Variants in CUEDC1 observed in about 807,000 individuals in gnomAD.
The protein encoded by CUEDC1 is CUE domain containing 1.
A neutral mutation model predicts 43.7 loss-of-function variants in CUEDC1; 30 were observed. The ratio of observed to expected loss-of-function variants is 0.69; its 90% CI spans 0.51 to 0.93. The LOEUF (loss-of-function observed/expected upper bound fraction) is 0.93, where lower values mean the gene tolerates loss of function less well. Ranked by LOEUF, CUEDC1 falls within the 40% of genes least tolerant of loss-of-function variation. The pLI is 0.00. For synonymous variants in CUEDC1, 223 were observed against 223.6 expected (o/e 1.00, Z 0.02); for missense variants, 486 against 549.0 (o/e 0.89, Z 1.15).
rs898695612 is a variant in CUEDC1 at position 57,901,864 on chromosome 17, G to A, written c.-315-15985C>T. ...CATTTCTCAGTCCCTTGGCTTCTTC[G>A]ATAATCATCATTAAAATATGATGCA... On this transcript the variant is annotated intron_variant, in intron 1 of 10. Transcript: ENST00000577830. Among the ~76,000 whole-genome samples the A allele has an allele frequency of 2.6e-5, 4 of 152,198 alleles. 1 individual carries two copies. In the East Asian group the frequency reaches 5.8e-4, roughly 22 times the overall value.
intron 3 of CUEDC1, 61 bp from the exon 4 acceptor site, chr17:57,873,778 C>A (rs1568030207): frequency 2.1e-6 from 3 of 1,455,466 alleles, no homozygotes; most frequent in Non-Finnish European, 2.7e-6. Context: ...GGTCTCCTGG[C>A]CCCATCACAC....
At chr17:57,879,041 C>T (rs2074167732) in intron 3 of CUEDC1, among the ~76,000 whole-genome samples, 1 of 152,240 alleles carries the variant, frequency 6.6e-6, no homozygotes, top group South Asian at 2.1e-4. Context: ...CAGTCTACCT[C>T]CCTGCCTCCA....
intron 9 of CUEDC1, chr17:57,867,093 C>T (rs987123920): frequency 7.2e-6 from 4 of 555,600 alleles, no homozygotes; most frequent in Non-Finnish European, 1.3e-5. Context: ...AAAGAATATT[C>T]CCCAGAAACA....
At chr17:57,908,030 C>A (rs766077441) in intron 1 of CUEDC1, among the ~76,000 whole-genome samples, 48 of 152,022 alleles carry the variant, frequency 3.2e-4, no homozygotes, top group Non-Finnish European at 5.3e-4. Context: ...ACCTCGTTCA[C>A]ACACGCATGC....
intron 1 of CUEDC1, among the ~76,000 whole-genome samples, chr17:57,899,396 G>A (rs904250109): frequency 5.3e-5 from 8 of 152,294 alleles, no homozygotes; most frequent in South Asian, 2.1e-4. Flanking sequence ...ACATACCCAC[G>A]TGCCCACACG....
At chr17:57,936,294 C>T (rs896902767) in intron 1 of CUEDC1, among the ~76,000 whole-genome samples, 1 of 152,250 alleles carries the variant, frequency 6.6e-6, no homozygotes, top group African/African-American at 2.4e-5. Context: ...CCACATTCCT[C>T]CTTTGGCCCT....
In CUEDC1 at chr17:57,943,261, A is replaced by G. The variant is rs148191769; in HGVS notation, c.-316+11964T>C. On this transcript the variant is annotated intron_variant, in intron 1 of 10. Coordinates refer to ENST00000577830, the MANE Select transcript of CUEDC1 (RefSeq NM_001271875.2). ...CCGCCAAGGCCCTGGGTGCCAGCCTAGTGCCCGCCCTAGGAGACTGACATG... is the reference window on the plus strand; with the variant it reads ...CCGCCAAGGCCCTGGGTGCCAGCCTGGTGCCCGCCCTAGGAGACTGACATG... Among the ~76,000 whole-genome samples, 23 of 152,290 alleles carry G rather than the reference A, an allele frequency of 1.5e-4. No individual in the cohort carries two copies. In the East Asian group the frequency reaches 4.4e-3, roughly 29 times the overall value.
rs528096012 is a variant in CUEDC1, at chr17:57,885,088, C to T, written c.336+141G>A. The T allele has an allele frequency of 2.3e-5, 33 of 1,408,030 alleles. No homozygotes were observed. In the South Asian group the frequency reaches 5.3e-4, roughly 22 times the overall value. The allele number at this position is 1,408,030 out of a possible 1,614,324, so 87.2% of individuals were successfully genotyped here. A position where few individuals can be genotyped will look rare whatever the true frequency, so the allele number is the denominator to read the frequency against. ...TCCCTAGGGGAAGTAAGGCTGCTTGCTAATTAGAACCCAGATAGCGGAGTA... is the reference window on the plus strand; with the variant it reads ...TCCCTAGGGGAAGTAAGGCTGCTTGTTAATTAGAACCCAGATAGCGGAGTA... On this transcript the variant is annotated intron_variant, in intron 2 of 10. Coordinates refer to ENST00000577830, the MANE Select transcript of CUEDC1 (RefSeq NM_001271875.2).
At position 57,930,557 on chromosome 17, in the gene CUEDC1, G is replaced by A. The variant is rs943131197; in HGVS notation, c.-316+24668C>T. On this transcript the variant is annotated intron_variant, in intron 1 of 10. Transcript: ENST00000577830. This position sits in a 1 kb window ranked among gnomAD's most constrained non-coding sequence, Gnocchi z 4.2. ...CTACCCACAACCACAGCAAGAGGAG[G>A]GAGGATTTTGAGAAAACTGTGCCCA... is the stretch of plus-strand genomic sequence containing the variant. Among the ~76,000 whole-genome samples the A allele has an allele frequency of 1.3e-5, 2 of 152,234 alleles. No homozygotes were observed. The highest frequency in any genetic ancestry group is 4.8e-5 in the African/African-American group (2 of 41,472).
intron 1 of CUEDC1, among the ~76,000 whole-genome samples, chr17:57,953,254 C>T (rs1430149883): frequency 6.6e-6 from 1 of 152,198 alleles, no homozygotes; most frequent in African/African-American, 2.4e-5. Context: ...ACCTCTAATT[C>T]AATAGACCAG....
intron 1 of CUEDC1, among the ~76,000 whole-genome samples, chr17:57,953,987 G>A (rs2075031183): frequency 6.6e-6 from 1 of 152,186 alleles, no homozygotes; most frequent in African/African-American, 2.4e-5. Context: ...CAGTGGCACT[G>A]ACCCCCAACA....
intron 2 of CUEDC1, among the ~76,000 whole-genome samples, chr17:57,883,690 T>G (rs938128171): frequency 1.3e-5 from 2 of 151,746 alleles, no homozygotes; most frequent in Admixed American, 1.3e-4. Context: ...GCCATTGCAC[T>G]CCAGCCTGGG....
chr17:57,896,487 G>GGGGTGGGTGT (rs375270781), intron 1 of CUEDC1, among the ~76,000 whole-genome samples: 1 of 130,282 alleles, frequency 7.7e-6, no homozygotes, highest in Admixed American at 7.3e-5. Context: ...TGCATTATGG[G>GGGGTGGGTGT]GTGTGTGTGT....
chr17:57,866,408 G>A (rs2073958102), intron 10 of CUEDC1, 66 bp downstream of exon 10: 1 of 1,472,820 alleles, frequency 6.8e-7, no homozygotes, highest in Admixed American at 1.7e-5. Flanking sequence ...GAGGACATGT[G>A]GGGTGCATAG....
At chr17:57,902,500 A>T (rs546399036) in intron 1 of CUEDC1, among the ~76,000 whole-genome samples, 8 of 152,366 alleles carry the variant, frequency 5.3e-5, no homozygotes, top group South Asian at 2.1e-4. Flanking sequence ...ACCTTTGTGT[A>T]TGGTGAACCT....
intron 7 of CUEDC1, among the ~76,000 whole-genome samples, chr17:57,868,630 A>C (rs1388407828): frequency 2.6e-5 from 4 of 152,138 alleles, no homozygotes; most frequent in Admixed American, 2.6e-4. Context: ...TGGGATTTCC[A>C]TGACTAATCC....
intron 1 of CUEDC1, among the ~76,000 whole-genome samples, chr17:57,891,445 A>C (rs1474757969): frequency 1.3e-5 from 2 of 152,062 alleles, no homozygotes; most frequent in Non-Finnish European, 2.9e-5. Flanking sequence ...CACAGCTACC[A>C]TACCCTCCCT....
intron 1 of CUEDC1, among the ~76,000 whole-genome samples, chr17:57,908,934 T>G (rs1019490587): frequency 2.0e-5 from 3 of 151,886 alleles, no homozygotes; most frequent in Non-Finnish European, 4.4e-5. Context: ...GAGGCAGAGG[T>G]TGCAGTGAGC....
intron 1 of CUEDC1, among the ~76,000 whole-genome samples, chr17:57,913,723 C>T (rs2074608966): frequency 1.3e-5 from 2 of 152,174 alleles, no homozygotes; most frequent in Non-Finnish European, 2.9e-5. Flanking sequence ...CTCGTCTGAA[C>T]TGACCAGTCC....
Sources: gnomAD v4.1 joint callset for allele counts (sites outside exome capture counted in the v4.1 genomes callset) on GRCh38, gnomAD v4.1.1 for gene constraint, Gnocchi (gnomAD v3.1) non-coding constraint, MANE v1.5 for transcripts, NCBI Gene and HGNC (gene_info 2026-07-23, HGNC 2026-07-21) for gene names.